HS3ST4: variants seen among roughly 807,000 people sequenced by gnomAD.
HS3ST4 encodes the protein heparan sulfate glucosamine 3-O-sulfotransferase 4.
In HS3ST4, 17 loss-of-function variants were observed where a neutral mutation model predicts 29.2. That is an observed-to-expected ratio of 0.58 (90% CI 0.40 to 0.87). HS3ST4 has a LOEUF of 0.87. Ranked by LOEUF, HS3ST4 falls within the 40% of genes least tolerant of loss-of-function variation. The probability of loss-of-function intolerance (pLI) is 0.00; values close to 1 mark genes in which losing one functional copy is unlikely to be tolerated. For synonymous variants in HS3ST4, 314 were observed against 285.7 expected (o/e 1.10, Z -1.00); for missense variants, 627 against 634.5 (o/e 0.99, Z 0.13).
intron 1 of HS3ST4, among the ~76,000 whole-genome samples, chr16:25,955,816 A>AC: frequency 1.4e-5 from 1 of 72,714 alleles, no homozygotes; most frequent in Non-Finnish European, 2.6e-5. Flanking sequence ...TGTGATGTAT[A>AC]CTTTTTTTTT....
chr16:26,113,472 G>A (rs987517718), intron 1 of HS3ST4, among the ~76,000 whole-genome samples: 2 of 108,346 alleles, frequency 1.8e-5, no homozygotes, highest in South Asian at 3.1e-4. Flanking sequence ...AATATATGAT[G>A]TGTGTGTGTG....
chr16:25,744,820 C>T (rs1596558696), intron 1 of HS3ST4, among the ~76,000 whole-genome samples: 1 of 152,190 alleles, frequency 6.6e-6, no homozygotes, highest in Admixed American at 6.5e-5. Context: ...CAAGCTCTCT[C>T]TTTGCCTGCT....
chr16:25,906,813 G>A (rs1163408222), intron 1 of HS3ST4, among the ~76,000 whole-genome samples: 1 of 151,750 alleles, frequency 6.6e-6, no homozygotes, highest in Non-Finnish European at 1.5e-5. Flanking sequence ...GCTTAAGGAA[G>A]GTAAAATTAA....
Position 25,842,166 on chromosome 16 carries a change from G to A in HS3ST4, c.734+149015G>A, listed in dbSNP as rs530893775. Among the ~76,000 whole-genome samples the A allele has an allele frequency of 3.9e-5, 6 of 152,292 alleles. No homozygotes were observed. In the East Asian group the frequency reaches 1.2e-3, roughly 29 times the overall value. On this transcript the variant is annotated intron_variant, in intron 1 of 1. Transcript: ENST00000331351. ...TGGGCAGAGAAGTGGCTCAGTTGAG[G>A]TTGCCTTTTGTTGAAGAAAAGGTCA...
At chr16:25,782,906 A>ATT (rs1332522635) in intron 1 of HS3ST4, among the ~76,000 whole-genome samples, 1 of 152,118 alleles carries the variant, frequency 6.6e-6, no homozygotes, top group Non-Finnish European at 1.5e-5. Flanking sequence ...CTTTTCATAG[A>ATT]TTTTAGTTCT....
chr16:25,726,573 A>G (rs1356983409), intron 1 of HS3ST4, among the ~76,000 whole-genome samples: 1 of 151,980 alleles, frequency 6.6e-6, no homozygotes, highest in Non-Finnish European at 1.5e-5. Flanking sequence ...ACATTACTAA[A>G]TTTTTCTCCA....
chr16:26,001,831 G>A (rs1257234148), intron 1 of HS3ST4, among the ~76,000 whole-genome samples: 1 of 152,096 alleles, frequency 6.6e-6, no homozygotes, highest in African/African-American at 2.4e-5. Flanking sequence ...GTTTGGGAGG[G>A]AGACAACCTG....
chr16:26,035,294 T>C (rs966605326), intron 1 of HS3ST4, among the ~76,000 whole-genome samples: 2 of 152,232 alleles, frequency 1.3e-5, no homozygotes, highest in African/African-American at 4.8e-5. Context: ...TTATATTTTG[T>C]ACGTTTTTGA....
intron 1 of HS3ST4, among the ~76,000 whole-genome samples, chr16:25,738,697 G>A (rs553296239): frequency 6.6e-6 from 1 of 152,062 alleles, no homozygotes; most frequent in Admixed American, 6.6e-5. Context: ...CTTTCTCCCT[G>A]GTCACTTATT....
intron 1 of HS3ST4, among the ~76,000 whole-genome samples, chr16:26,121,304 A>C (rs1899274397): frequency 6.6e-6 from 1 of 152,190 alleles, no homozygotes; most frequent in Non-Finnish European, 1.5e-5. Flanking sequence ...TGGACATGCG[A>C]CTAGTGGAGA....
At chr16:25,742,412 A>C (rs755260457) in intron 1 of HS3ST4, among the ~76,000 whole-genome samples, 7 of 152,194 alleles carry the variant, frequency 4.6e-5, no homozygotes, top group Admixed American at 2.6e-4. Context: ...AACCAGCCAC[A>C]GTGGTCAACA....
chr16:25,807,131 C>G (rs942430733), intron 1 of HS3ST4, among the ~76,000 whole-genome samples: 1 of 152,234 alleles, frequency 6.6e-6, no homozygotes, highest in African/African-American at 2.4e-5. Context: ...TGCTACCATG[C>G]CTGGCTAATT....
chr16:26,067,595 T>C (rs556810515), intron 1 of HS3ST4, among the ~76,000 whole-genome samples: 1 of 152,202 alleles, frequency 6.6e-6, no homozygotes, highest in Admixed American at 6.5e-5. Context: ...GGGTTGATGT[T>C]AAATAAAGTC....
chr16:25,884,546 C>T lies in HS3ST4; in HGVS notation c.734+191395C>T, dbSNP rs143229803. Among the ~76,000 whole-genome samples the T allele has an allele frequency of 5.2e-3, 788 of 152,250 alleles. 5 individuals carry two copies. The highest frequency in any genetic ancestry group is 0.018 in the African/African-American group (745 of 41,542). ...CTTTGTAGCATCTTTAGAACATAGG[C>T]TTTTGAGGTTAAGTACCTTGTTGGT... On this transcript the variant is annotated intron_variant, in intron 1 of 1. Transcript: ENST00000331351.
At chr16:25,987,089 G>A (rs893632151) in intron 1 of HS3ST4, among the ~76,000 whole-genome samples, 2 of 152,182 alleles carry the variant, frequency 1.3e-5, no homozygotes, top group Admixed American at 6.5e-5. Context: ...TGTGGCTCAC[G>A]CCTGTAATCC....
intron 1 of HS3ST4, among the ~76,000 whole-genome samples, chr16:25,810,123 A>G (rs1004034000): frequency 8.6e-5 from 13 of 152,024 alleles, no homozygotes; most frequent in African/African-American, 3.1e-4. Context: ...TTTCCCTGTC[A>G]GTACTACTTT....
intron 1 of HS3ST4, among the ~76,000 whole-genome samples, chr16:26,131,522 T>G (rs1413865312): frequency 6.6e-6 from 1 of 152,174 alleles, no homozygotes; most frequent in Non-Finnish European, 1.5e-5. Context: ...ATGAGTATAT[T>G]GAAGTGTCAG....
chr16:26,097,872 C>A (rs1898945199), intron 1 of HS3ST4, among the ~76,000 whole-genome samples: 1 of 152,036 alleles, frequency 6.6e-6, no homozygotes, highest in Non-Finnish European at 1.5e-5. Flanking sequence ...ACAAAGAACT[C>A]AAACAAATTT....
intron 1 of HS3ST4, among the ~76,000 whole-genome samples, chr16:26,087,652 C>G (rs554623751): frequency 2.0e-5 from 3 of 152,276 alleles, no homozygotes; most frequent in South Asian, 4.1e-4. Flanking sequence ...TATCCCTTAT[C>G]TGATATGCTT....
Sources: allele counts gnomAD v4.1 joint callset (sites outside exome capture counted in the v4.1 genomes callset), GRCh38; gene constraint gnomAD v4.1.1; transcripts MANE v1.5; gene names NCBI Gene and HGNC (gene_info 2026-07-23, HGNC 2026-07-21).